Variants in PNPLA7 observed in about 807,000 individuals in gnomAD.
The protein encoded by PNPLA7 is patatin like domain 7, lysophospholipase, also known as patatin-like phospholipase domain-containing protein 7.
In PNPLA7, 153 loss-of-function variants were observed where a neutral mutation model predicts 161.7. That is an observed-to-expected ratio of 0.95 (90% CI 0.83 to 1.08). The LOEUF is 1.08. PNPLA7 is among the 50% of genes least tolerant of loss of function. PNPLA7 has a pLI of 0.00. For synonymous variants in PNPLA7, 809 were observed against 782.1 expected (o/e 1.03, Z -0.57); for missense variants, 1,739 against 1,856.6 (o/e 0.94, Z 1.16).
intron 22 of PNPLA7, 199 bp from the exon 23 acceptor site, chr9:137,480,679 GA>G: frequency 1.3e-6 from 1 of 745,060 alleles, no homozygotes; most frequent in East Asian, 2.7e-5. Context: ...GTTAAGCCCA[GA>G]GGCTGAGGCT....
chr9:137,548,493 C>T (rs1175087598), intron 1 of PNPLA7, among the ~76,000 whole-genome samples: 3 of 152,186 alleles, frequency 2.0e-5, no homozygotes, highest in Non-Finnish European at 2.9e-5. Flanking sequence ...CTCACGCCTG[C>T]AATCCCAGCA....
Position 137,540,761 on chromosome 9 carries a change from G to A in PNPLA7, c.667-39C>T. On this transcript the variant is annotated intron_variant, in intron 7 of 34. Transcript: ENST00000406427. The surrounding 1 kb of genome is among the most constrained non-coding windows in gnomAD (Gnocchi z 5.1). ...GCAGAGTGGGTGCCGTCAGGTCTGG[G>A]GCTGCGACCGCGGGGCCTGGCGGAG... 1 of 1,573,470 alleles carries A rather than the reference G, an allele frequency of 6.4e-7. No homozygotes were observed. Among genetic ancestry groups the A allele is most frequent in the Non-Finnish European group, 8.6e-7 (1 of 1,156,454 alleles).
At chr9:137,505,072 C>A (rs1036943475) in intron 14 of PNPLA7, among the ~76,000 whole-genome samples, 2 of 150,812 alleles carry the variant, frequency 1.3e-5, no homozygotes, top group African/African-American at 4.9e-5. Flanking sequence ...GCCTGTATCC[C>A]AGCTACTTGG....
intron 20 of PNPLA7, among the ~76,000 whole-genome samples, chr9:137,488,804 C>T (rs1317321851): frequency 2.0e-5 from 3 of 148,272 alleles, no homozygotes; most frequent in Admixed American, 6.8e-5. Context: ...AACTGTCCAC[C>T]GCCCACACCA....
At chr9:137,469,727 A>G (rs1390825061) in intron 25 of PNPLA7, among the ~76,000 whole-genome samples, 3 of 151,976 alleles carry the variant, frequency 2.0e-5, no homozygotes, top group Non-Finnish European at 2.9e-5. Context: ...AAAAACAAAC[A>G]TAGAGAAGAT....
intron 18 of PNPLA7, among the ~76,000 whole-genome samples, chr9:137,496,141 GTT>G (rs55854515): frequency 0.026 from 3,552 of 138,206 alleles, 139 homozygotes; most frequent in African/African-American, 0.089. Flanking sequence ...GTTTTTTTTT[GTT>G]TTTTTTTTTT....
rs199623134 is a variant in PNPLA7, at chr9:137,461,626, G to C, written c.3757-6C>G. On this transcript the variant is annotated splice_region_variant and splice_polypyrimidine_tract_variant and intron_variant, in intron 32 of 34. Transcript: ENST00000406427. ...GCGTTGGGACAGGTGAGGACCTAGGGGTGGGGTGAGGACAGCACGTTGCCT... is the reference window on the plus strand; with the variant it reads ...GCGTTGGGACAGGTGAGGACCTAGGCGTGGGGTGAGGACAGCACGTTGCCT... 2,509 of 1,607,952 alleles carry C rather than the reference G, an allele frequency of 1.6e-3. 39 individuals are homozygous for C. The South Asian group carries it at 0.019, about 12-fold the overall frequency.
chr9:137,497,609 C>G (rs1045897503), intron 17 of PNPLA7, among the ~76,000 whole-genome samples: 2 of 152,216 alleles, frequency 1.3e-5, no homozygotes, highest in African/African-American at 4.8e-5. Flanking sequence ...CTCACTGCAA[C>G]CTCCACCTCC....
chr9:137,479,393 C>T (rs570904578), intron 23 of PNPLA7, 155 bp from the exon 24 acceptor site: 107 of 1,318,760 alleles, frequency 8.1e-5, no homozygotes, highest in South Asian at 1.4e-4. Context: ...TCTGCCTTGG[C>T]GCTGCCGAAG....
Position 137,493,219 on chromosome 9 carries a change from T to G in PNPLA7, c.2128-137A>C, listed in dbSNP as rs112930214. ...CTTTTCAAAACCTCCATGAACTGAG[T>G]TGCACATGACTCACAAGCCACGTGC... On this transcript the variant is annotated intron_variant, in intron 19 of 34. Transcript: ENST00000406427. 189 of 887,370 alleles carry G rather than the reference T, an allele frequency of 2.1e-4. No homozygotes were observed. The African/African-American group carries it at 2.7e-3, about 13-fold the overall frequency. 55.0% of individuals were successfully genotyped at this position (887,370 alleles called of 1,614,324 possible). A position where few individuals can be genotyped will look rare whatever the true frequency, so the allele number is the denominator to read the frequency against.
intron 20 of PNPLA7, among the ~76,000 whole-genome samples, chr9:137,489,884 C>T (rs1210267157): frequency 1.3e-5 from 2 of 152,204 alleles, no homozygotes; most frequent in East Asian, 3.8e-4. Context: ...AGGTCTAACA[C>T]TTGTGCCACT....
intron 25 of PNPLA7, among the ~76,000 whole-genome samples, chr9:137,471,090 A>G (rs1032767077): frequency 2.0e-5 from 3 of 152,256 alleles, no homozygotes. Flanking sequence ...CAAGAAGAAG[A>G]AACAGAAAGA....
At chr9:137,532,790 C>T (rs1359597937) in intron 8 of PNPLA7, among the ~76,000 whole-genome samples, 1 of 152,162 alleles carries the variant, frequency 6.6e-6, no homozygotes, top group African/African-American at 2.4e-5. Context: ...ATGGCTTTTC[C>T]CCGTGGCCAG....
chr9:137,461,243 T>C (rs1831178302), intron 33 of PNPLA7: 1 of 401,250 alleles, frequency 2.5e-6, no homozygotes, highest in Non-Finnish European at 4.6e-6. Flanking sequence ...CATTTCCCAC[T>C]GGGTGGGGTG....
chr9:137,535,102 T>C (rs1414893738), intron 8 of PNPLA7, among the ~76,000 whole-genome samples: 1 of 152,260 alleles, frequency 6.6e-6, no homozygotes, highest in African/African-American at 2.4e-5. Context: ...CAGAGAAAGC[T>C]GGCTGGCCAG....
Position 137,495,171 on chromosome 9 carries a change from G to T in PNPLA7, c.2014-25C>A, listed in dbSNP as rs762675761. 5.1e-6 allele frequency: 8 copies of T among 1,559,140 alleles called. No individual in the cohort carries two copies. The East Asian group carries it at 1.8e-4, about 35-fold the overall frequency. ...CCTGAGGACAGGAGCCGGCTGCTGG[G>T]GCCGCGGGCTTGGGAGGGCCGAGCC... On this transcript the variant is annotated intron_variant, in intron 18 of 34. Coordinates refer to ENST00000406427, the MANE Select transcript of PNPLA7 (RefSeq NM_001098537.3).
intron 12 of PNPLA7, among the ~76,000 whole-genome samples, chr9:137,514,781 G>A (rs574777989): frequency 1.4e-5 from 2 of 145,802 alleles, no homozygotes; most frequent in East Asian, 4.2e-4. Context: ...CCGGGCTGCA[G>A]GTGGGTCACC....
rs899563172 is a variant in PNPLA7 at position 137,546,753 on chromosome 9, C to T, written c.273+77G>A. 20 of 1,395,992 alleles carry T rather than the reference C, an allele frequency of 1.4e-5. No homozygotes were observed. In the African/African-American group the frequency reaches 1.8e-4, roughly 13 times the overall value. The allele number at this position is 1,395,992 out of a possible 1,614,324, so 86.5% of individuals were successfully genotyped here. A position where few individuals can be genotyped will look rare whatever the true frequency, so the allele number is the denominator to read the frequency against. ...AAGCACTGCCCAGCCTGGGGGAGCC[C>T]ACAGCAGAAGGGGTCCCTCCCACAG... On this transcript the variant is annotated intron_variant, in intron 4 of 34. Coordinates refer to ENST00000406427, the MANE Select transcript of PNPLA7 (RefSeq NM_001098537.3).
chr9:137,503,954 AGAAG>A (rs1315751655), intron 14 of PNPLA7, among the ~76,000 whole-genome samples: 25 of 92,956 alleles, frequency 2.7e-4, no homozygotes, highest in Admixed American at 4.5e-4. Flanking sequence ...AGAATGAAGA[AGAAG>A]GAAGAAGGAA....
Sources: allele counts gnomAD v4.1 joint callset (sites outside exome capture counted in the v4.1 genomes callset), GRCh38; gene constraint gnomAD v4.1.1; non-coding constraint Gnocchi (gnomAD v3.1); transcripts MANE v1.5; gene names NCBI Gene and HGNC (gene_info 2026-07-23, HGNC 2026-07-21).